The following NGLY1 variants were observed in gnomAD, a reference collection of about 807,000 sequenced individuals.
NGLY1 encodes the protein peptide-N(4)-(N-acetyl-beta-glucosaminyl)asparagine amidase.
NGLY1 carries 68 observed loss-of-function variants against 84.6 expected under a neutral mutation model. The ratio of observed to expected loss-of-function variants is 0.80; its 90% CI spans 0.66 to 0.98. NGLY1 has a LOEUF of 0.98. NGLY1 is among the 50% of genes least tolerant of loss of function. The pLI is 0.00. For synonymous variants in NGLY1, 280 were observed against 275.2 expected, an observed-to-expected ratio of 1.02 and a Z score of -0.17; for missense variants, 779 against 770.2, an observed-to-expected ratio of 1.01 and a Z score of -0.14.
intron 8 of NGLY1, 87 bp downstream of exon 8, chr3:25,733,785 T>C: frequency 1.4e-6 from 1 of 694,438 alleles, no homozygotes; most frequent in Admixed American, 2.9e-5. Context: ...GCTACTACTT[T>C]AAGAATTTCA....
Position 25,733,901 on chromosome 3 carries a change from G to A in NGLY1, c.1231C>T (p.Arg411Ter), listed in dbSNP as rs146140738. 17 of 1,613,484 alleles carry A rather than the reference G, an allele frequency of 1.1e-5. No homozygotes were observed. The East Asian group carries it at 1.6e-4, about 15-fold the overall frequency. Residue 411 changes from arginine to a stop codon, truncating the protein, a stop_gained, in exon 8 of 12, where the codon CGA (arginine) becomes TGA (stop). Transcript: ENST00000280700. LOFTEE classifies it high-confidence loss of function. The stretch of plus-strand genomic sequence containing the variant: ...TTATTAAGCCCATTAATAGTGTCTC[G>A]AAGTAATGCTTCTTTAACCTTAGTT... ...RRTKVKEALL[R>*]DTINGLNKQR...
rs34669504 is a variant in NGLY1, at chr3:25,742,884, C to CAAA, written c.659-3088_659-3086dup. Among the ~76,000 whole-genome samples the CAAA allele has an allele frequency of 2.1e-3, 130 of 63,316 alleles. 8 individuals carry two copies. Among genetic ancestry groups the CAAA allele is most frequent in the African/African-American group, 7.6e-3 (117 of 15,428 alleles). 41.5% of individuals were successfully genotyped at this position (63,316 alleles called of 152,430 possible). On this transcript the variant is annotated intron_variant, in intron 4 of 11. Transcript: ENST00000280700. ...CTATGAATGTAGTTACCTTATGTGG[C>CAAA]AAAAAAAAAAAAAAAAAAAAAAAAA...
At chr3:25,736,234 A>C in intron 6 of NGLY1, 85 bp from the exon 7 acceptor site, 1 of 1,562,364 alleles carries the variant, frequency 6.4e-7, no homozygotes, top group Non-Finnish European at 8.7e-7. Context: ...AACTCCTAAG[A>C]ATCATAAAGT....
rs894956192 is a variant in NGLY1, at chr3:25,719,327, G to T, written c.*133C>A. On this transcript the variant is annotated 3_prime_UTR_variant, in exon 12 of 12. Coordinates refer to ENST00000280700, the MANE Select transcript of NGLY1 (RefSeq NM_018297.4). ...ACGTATAAAGATAATTTTCATGAGG[G>T]TTACATGATGGATAGCTAGCAAAAG... 6 of 602,746 alleles carry T rather than the reference G, an allele frequency of 1.0e-5. No individual in the cohort carries two copies. The highest frequency in any genetic ancestry group is 7.4e-5 in the African/African-American group (4 of 54,262). 37.3% of individuals were successfully genotyped at this position (602,746 alleles called of 1,614,324 possible).
At chr3:25,735,581 C>T (rs6762659) in intron 7 of NGLY1, 6,164 of 154,324 alleles carry the variant, frequency 0.04, 383 homozygotes, top group African/African-American at 0.14. Context: ...ATACTGCTTG[C>T]GAAAATGTAA....
intron 4 of NGLY1, among the ~76,000 whole-genome samples, chr3:25,744,165 GA>G (rs1706300277): frequency 6.6e-6 from 1 of 152,176 alleles, no homozygotes; most frequent in Non-Finnish European, 1.5e-5. Context: ...AAGAGAATGA[GA>G]AAATGGGTAA....
upstream of NGLY1, among the ~76,000 whole-genome samples, chr3:25,783,873 C>T (rs1233315010): frequency 6.6e-6 from 1 of 151,982 alleles, no homozygotes; most frequent in Non-Finnish European, 1.5e-5. This position sits in a 1 kb window ranked among gnomAD's most constrained non-coding sequence, Gnocchi z 4.5. Flanking sequence ...GACGGAGGAG[C>T]TCGGCTGGAG....
At chr3:25,720,476 T>G (rs1281580060) in intron 10 of NGLY1, among the ~76,000 whole-genome samples, 3 of 152,186 alleles carry the variant, frequency 2.0e-5, no homozygotes, top group Non-Finnish European at 4.4e-5. Flanking sequence ...AATCATCTTC[T>G]TTTATATTAA....
At chr3:25,722,911 G>A (rs1705079326) in intron 10 of NGLY1, among the ~76,000 whole-genome samples, 1 of 152,142 alleles carries the variant, frequency 6.6e-6, no homozygotes, top group African/African-American at 2.4e-5. Flanking sequence ...TGGGAAAGAA[G>A]AGCCAAACAG....
At chr3:25,755,076 TG>T in intron 3 of NGLY1, 1 of 1,441,176 alleles carries the variant, frequency 6.9e-7, no homozygotes, top group Non-Finnish European at 9.8e-7. Context: ...ACTACAATTC[TG>T]GATGATGCAA....
upstream of NGLY1, among the ~76,000 whole-genome samples, chr3:25,787,254 G>A (rs887838636): frequency 6.6e-6 from 1 of 152,054 alleles, no homozygotes; most frequent in Non-Finnish European, 1.5e-5. Flanking sequence ...GAAAGGAGAG[G>A]ACTTGCTACC....
chr3:25,732,284 G>A, intron 9 of NGLY1, 35 bp downstream of exon 9: 1 of 1,603,508 alleles, frequency 6.2e-7, no homozygotes, highest in Middle Eastern at 1.7e-4. Context: ...AAGCAGGAAA[G>A]TAAAAGGATC....
intron 10 of NGLY1, among the ~76,000 whole-genome samples, chr3:25,724,817 C>CA (rs1172720391): frequency 6.6e-6 from 1 of 152,190 alleles, no homozygotes; most frequent in Non-Finnish European, 1.5e-5. Context: ...AAAGCCAACT[C>CA]AGATATTACT....
Position 25,733,466 on chromosome 3 carries a change from C to CGTGTAT in NGLY1, c.1260+405_1260+406insATACAC, listed in dbSNP as rs1491564606. Among the ~76,000 whole-genome samples, 996 of 134,208 alleles carry CGTGTAT rather than the reference C, an allele frequency of 7.4e-3. 19 individuals carry two copies. Among genetic ancestry groups the CGTGTAT allele is most frequent in the African/African-American group, 0.023 (845 of 36,266 alleles). The allele number at this position is 134,208 out of a possible 152,430, so 88.0% of individuals were successfully genotyped here. On this transcript the variant is annotated intron_variant, in intron 8 of 11. Coordinates refer to ENST00000280700, the MANE Select transcript of NGLY1 (RefSeq NM_018297.4). Reference sequence around the variant, plus strand: ...TGCTTCAGAAATTTCCTCACATGGACGTGTGTGTGTGTGTGTGTGTGTGTG... The same window carrying CGTGTAT: ...TGCTTCAGAAATTTCCTCACATGGACGTGTATGTGTGTGTGTGTGTGTGTGTGTGTG...
chr3:25,759,354 T>C (rs999508316), intron 3 of NGLY1, among the ~76,000 whole-genome samples: 2 of 152,170 alleles, frequency 1.3e-5, no homozygotes, highest in African/African-American at 2.4e-5. Context: ...CATTTTTATT[T>C]GAAAAAATTC....
chr3:25,778,730 G>A, intron 1 of NGLY1, 42 bp from the exon 2 acceptor site: 1 of 1,230,144 alleles, frequency 8.1e-7, no homozygotes, highest in South Asian at 1.3e-5. Flanking sequence ...AAAAAAACCA[G>A]GTCATAGTTC....
Position 25,783,399 on chromosome 3 carries a change from G to C in NGLY1, c.-9C>G. The C allele has an allele frequency of 6.6e-7, 1 of 1,525,224 alleles. No individual in the cohort carries two copies. The highest frequency in any genetic ancestry group is 1.4e-5 in the African/African-American group (1 of 69,690). The allele number at this position is 1,525,224 out of a possible 1,614,324, so 94.5% of individuals were successfully genotyped here. A position where few individuals can be genotyped will look rare whatever the true frequency, so the allele number is the denominator to read the frequency against. ...AATGCCGCCGCCGCCATGCTTGAGC[G>C]CCAGCGGGCGCCGCCGCCGCCCCTC... is the stretch of plus-strand genomic sequence containing the variant. On this transcript the variant is annotated 5_prime_UTR_variant, in exon 1 of 12. Coordinates refer to ENST00000280700, the MANE Select transcript of NGLY1 (RefSeq NM_018297.4). The surrounding 1 kb of genome is among the most constrained non-coding windows in gnomAD (Gnocchi z 4.5).
chr3:25,765,408 C>T (rs961650959), intron 2 of NGLY1, among the ~76,000 whole-genome samples: 1 of 147,428 alleles, frequency 6.8e-6, no homozygotes. Flanking sequence ...GAGCTGAGAT[C>T]GTGCCACTGC....
chr3:25,785,057 C>G (rs747598875), upstream of NGLY1, among the ~76,000 whole-genome samples: 3 of 143,832 alleles, frequency 2.1e-5, no homozygotes, highest in African/African-American at 5.1e-5. Context: ...TGTTGCTCCA[C>G]AGACAATACT....
Sources: gnomAD v4.1 joint callset for allele counts (sites outside exome capture counted in the v4.1 genomes callset) on GRCh38, gnomAD v4.1.1 for gene constraint, Gnocchi (gnomAD v3.1) non-coding constraint, MANE v1.5 for transcripts, NCBI Gene and HGNC (gene_info 2026-07-23, HGNC 2026-07-21) for gene names.